TDRD12: variants seen among roughly 807,000 people sequenced by gnomAD.
TDRD12 encodes tudor domain containing 12.
A neutral mutation model predicts 133.5 loss-of-function variants in TDRD12; 158 were observed. The ratio of observed to expected loss-of-function variants is 1.18; its 90% CI spans 1.04 to 1.35. The LOEUF (loss-of-function observed/expected upper bound fraction) is 1.35, where lower values mean the gene tolerates loss of function less well. Among genes scored for constraint, TDRD12 ranks in the 40% most tolerant of loss-of-function variants. The probability of loss-of-function intolerance (pLI) is 0.00; values close to 1 mark genes in which losing one functional copy is unlikely to be tolerated. For synonymous variants in TDRD12, 460 were observed against 477.9 expected (o/e 0.96, Z 0.49); for missense variants, 1,443 against 1,321.3 (o/e 1.09, Z -1.43).
At chr19:32,815,076 C>T (rs118029077) in intron 25 of TDRD12, among the ~76,000 whole-genome samples, 2,041 of 152,320 alleles carry the variant, frequency 0.013, 18 homozygotes, top group Non-Finnish European at 0.022. Flanking sequence ...ATCAGGCAGA[C>T]GCTGAGCCTC....
chr19:32,800,849 G>A, intron 18 of TDRD12, 77 bp downstream of exon 18: 2 of 1,385,772 alleles, frequency 1.4e-6, no homozygotes, highest in South Asian at 3.1e-5. Context: ...AATTACTGGG[G>A]TGGTTGACTC....
At chr19:32,757,218 G>C (rs1021910600) in intron 8 of TDRD12, 88 bp downstream of exon 8, 1 of 1,075,208 alleles carries the variant, frequency 9.3e-7, no homozygotes, top group African/African-American at 1.6e-5. Flanking sequence ...GTCTAGAAAG[G>C]CCATGGTAAT....
chr19:32,777,128 A>T (rs752753345), intron 10 of TDRD12, 21 bp from the exon 11 acceptor site: 10 of 1,231,850 alleles, frequency 8.1e-6, no homozygotes, highest in South Asian at 4.7e-5. Context: ...ATTTTAATGA[A>T]TTTTTTTTTT....
intron 11 of TDRD12, among the ~76,000 whole-genome samples, chr19:32,781,141 C>G (rs1970753561): frequency 6.6e-6 from 1 of 152,046 alleles, no homozygotes; most frequent in Admixed American, 6.6e-5. Flanking sequence ...GACGGGGTTT[C>G]ACCGTGTTAG....
intron 14 of TDRD12, among the ~76,000 whole-genome samples, chr19:32,795,222 A>G (rs1971189601): frequency 6.6e-6 from 1 of 151,936 alleles, no homozygotes; most frequent in Admixed American, 6.6e-5. Context: ...AATCCCAGCT[A>G]CTTGGGAGGC....
chr19:32,719,971 C>T (rs1467735988), exon 1 of TDRD12: 1 of 1,429,718 alleles, frequency 7.0e-7, no homozygotes, highest in African/African-American at 1.4e-5. Flanking sequence ...AAGGAACGCA[C>T]TCGCGGCGGG....
chr19:32,817,025 G>T (rs578091776), intron 26 of TDRD12, among the ~76,000 whole-genome samples: 6 of 152,302 alleles, frequency 3.9e-5, no homozygotes, highest in African/African-American at 1.4e-4. Flanking sequence ...TGTGGGCAGG[G>T]ATGAGAGTGG....
intron 8 of TDRD12, among the ~76,000 whole-genome samples, chr19:32,764,648 T>C (rs1176139144): frequency 1.3e-5 from 2 of 152,244 alleles, no homozygotes; most frequent in Non-Finnish European, 2.9e-5. Flanking sequence ...TCAAATCTTC[T>C]TTATCTTTAT....
At chr19:32,794,903 T>G (rs1408147125) in intron 14 of TDRD12, 90 bp downstream of exon 14, 2 of 628,342 alleles carry the variant, frequency 3.2e-6, no homozygotes, top group African/African-American at 3.7e-5. Flanking sequence ...GGTCGTCTAT[T>G]ACTCAGTTTG....
exon 23 of TDRD12, chr19:32,810,134 C>G (rs939826366): frequency 1.3e-6 from 2 of 1,530,820 alleles, no homozygotes; most frequent in African/African-American, 2.7e-5. Flanking sequence ...ATTACTTTGG[C>G]CGTATAGTTG....
intron 4 of TDRD12, among the ~76,000 whole-genome samples, chr19:32,745,337 G>A (rs558909583): frequency 6.6e-6 from 1 of 152,278 alleles, no homozygotes; most frequent in South Asian, 2.1e-4. Flanking sequence ...GGCCTACTGG[G>A]GTTTGGTCAC....
At chr19:32,754,347 T>C (rs1969925872) in intron 6 of TDRD12, among the ~76,000 whole-genome samples, 1 of 152,114 alleles carries the variant, frequency 6.6e-6, no homozygotes, top group Admixed American at 6.6e-5. Flanking sequence ...CTTGCACCTG[T>C]AGTCCTAGCT....
chr19:32,721,793 C>T (rs1322749332), intron 1 of TDRD12, among the ~76,000 whole-genome samples: 6 of 151,524 alleles, frequency 4.0e-5, no homozygotes, highest in South Asian at 2.1e-4. Flanking sequence ...CTGCAAGCTC[C>T]GCCTCCCGGG....
chr19:32,727,068 T>C (rs1367229603), intron 1 of TDRD12, among the ~76,000 whole-genome samples: 1 of 152,208 alleles, frequency 6.6e-6, no homozygotes. Context: ...GCACAATGAT[T>C]CCAGTGTCTC....
intron 24 of TDRD12, among the ~76,000 whole-genome samples, chr19:32,812,069 G>A (rs1967024356): frequency 6.6e-6 from 1 of 152,222 alleles, no homozygotes; most frequent in African/African-American, 2.4e-5. Context: ...GGTAACTAGG[G>A]TGTCACCAAA....
intron 11 of TDRD12, among the ~76,000 whole-genome samples, chr19:32,790,063 G>C: frequency 1.3e-5 from 2 of 152,118 alleles, no homozygotes. Context: ...AAGGAGCGCA[G>C]TTTGCCATGT....
chr19:32,801,062 A>C (rs1367445302), intron 18 of TDRD12, among the ~76,000 whole-genome samples: 1 of 151,864 alleles, frequency 6.6e-6, no homozygotes, highest in African/African-American at 2.4e-5. Context: ...AGACATGACA[A>C]CATCTTCTGT....
chr19:32,778,807 G>A (rs1481508410), intron 11 of TDRD12, among the ~76,000 whole-genome samples: 2 of 152,132 alleles, frequency 1.3e-5, no homozygotes, highest in African/African-American at 2.4e-5. Flanking sequence ...GATGACCCTG[G>A]AACATTCTAT....
At chr19:32,824,092 C>T (rs1967502097), downstream of TDRD12, 2 of 152,434 alleles carry the variant, frequency 1.3e-5, no homozygotes, top group African/African-American at 4.8e-5. Flanking sequence ...GAAGAGACTT[C>T]ATCTCTGGGC....
Sources: gnomAD v4.1 joint callset for allele counts (sites outside exome capture counted in the v4.1 genomes callset) on GRCh38, gnomAD v4.1.1 for gene constraint, MANE v1.5 for transcripts, NCBI Gene and HGNC (gene_info 2026-07-23, HGNC 2026-07-21) for gene names.